Variants in CYTH3 observed in about 807,000 individuals in gnomAD.
CYTH3 encodes the protein cytohesin-3.
In CYTH3, 23 loss-of-function variants were observed where a neutral mutation model predicts 55.1. That is an observed-to-expected ratio of 0.42 (90% CI 0.30 to 0.59). The LOEUF is 0.59. Ranked by LOEUF, CYTH3 falls within the 20% of genes least tolerant of loss-of-function variation. The probability of loss-of-function intolerance (pLI) is 0.20; values close to 1 mark genes in which losing one functional copy is unlikely to be tolerated. For missense variants in CYTH3, 413 were observed against 524.8 expected (o/e 0.79, Z 2.08); for synonymous variants, 249 against 194.9 (o/e 1.28, Z -2.31).
At chr7:6,166,201 T>G (rs1417283087) in intron 9 of CYTH3, among the ~76,000 whole-genome samples, 1 of 152,208 alleles carries the variant, frequency 6.6e-6, no homozygotes, top group East Asian at 1.9e-4. Context: ...TGGGCAGCCC[T>G]GGGATCCATC....
intron 1 of CYTH3, among the ~76,000 whole-genome samples, chr7:6,208,764 C>G (rs528892948): frequency 3.3e-5 from 5 of 152,266 alleles, no homozygotes; most frequent in African/African-American, 4.8e-5. Context: ...TGGTCTGAAG[C>G]GATCCTCCCT....
At chr7:6,232,268 G>A (rs142010763) in intron 1 of CYTH3, among the ~76,000 whole-genome samples, 121 of 152,198 alleles carry the variant, frequency 8.0e-4, no homozygotes, top group Middle Eastern at 6.8e-3. Flanking sequence ...ATTCAAGGAG[G>A]CCTTAAGAGT....
chr7:6,185,418 G>T (rs763697218), intron 4 of CYTH3, among the ~76,000 whole-genome samples: 28 of 150,956 alleles, frequency 1.9e-4, no homozygotes, highest in East Asian at 1.5e-3. Context: ...AAACTGGGCC[G>T]GGTGCACTGG....
chr7:6,262,925 T>G (rs758035835), intron 1 of CYTH3, among the ~76,000 whole-genome samples: 1 of 151,674 alleles, frequency 6.6e-6, no homozygotes, highest in Non-Finnish European at 1.5e-5. Context: ...ATAAAAAAAT[T>G]GTGTTTAAGT....
At chr7:6,165,677 C>A in intron 10 of CYTH3, 57 bp downstream of exon 10, 1 of 1,613,364 alleles carries the variant, frequency 6.2e-7, no homozygotes, top group Non-Finnish European at 8.5e-7. Flanking sequence ...GGTCCCTCGG[C>A]CCCAGGGCAG....
At chr7:6,205,978 G>C (rs1359247945) in intron 1 of CYTH3, among the ~76,000 whole-genome samples, 1 of 146,924 alleles carries the variant, frequency 6.8e-6, no homozygotes, top group Non-Finnish European at 1.5e-5. Context: ...AGAAACAACT[G>C]CTTAAACCCA....
chr7:6,211,346 G>A (rs1351613460), intron 1 of CYTH3, among the ~76,000 whole-genome samples: 1 of 152,280 alleles, frequency 6.6e-6, no homozygotes, highest in Non-Finnish European at 1.5e-5. Flanking sequence ...TTTGGAAGCA[G>A]AACAGAATGA....
At chr7:6,181,086 C>A (rs1328063842) in intron 4 of CYTH3, among the ~76,000 whole-genome samples, 1 of 152,306 alleles carries the variant, frequency 6.6e-6, no homozygotes, top group East Asian at 1.9e-4. Context: ...AAAATTTTGA[C>A]AAGTATTTAA....
intron 3 of CYTH3, 132 bp from the exon 4 acceptor site, chr7:6,187,248 C>A (rs947443899): frequency 1.1e-6 from 1 of 898,348 alleles, no homozygotes; most frequent in Non-Finnish European, 1.8e-6. Context: ...CGGAGGGGCC[C>A]CCAGTCTCCG....
At chr7:6,215,221 G>A (rs749685766) in intron 1 of CYTH3, among the ~76,000 whole-genome samples, 3 of 152,170 alleles carry the variant, frequency 2.0e-5, no homozygotes, top group African/African-American at 4.8e-5. Context: ...CTGCTCTAGT[G>A]ACCCAAGAGC....
chr7:6,176,091 T>C (rs1233595010), intron 5 of CYTH3, among the ~76,000 whole-genome samples: 3 of 152,114 alleles, frequency 2.0e-5, no homozygotes, highest in Admixed American at 6.5e-5. Flanking sequence ...ATTTAGGTCT[T>C]TTCATTTTTT....
intron 1 of CYTH3, among the ~76,000 whole-genome samples, chr7:6,195,797 G>A (rs1283724165): frequency 6.6e-6 from 1 of 152,200 alleles, no homozygotes; most frequent in African/African-American, 2.4e-5. Flanking sequence ...GCCAGGGAAA[G>A]TCTAATGATT....
At chr7:6,193,901 A>G (rs1262334005) in intron 1 of CYTH3, among the ~76,000 whole-genome samples, 1 of 152,160 alleles carries the variant, frequency 6.6e-6, no homozygotes, top group Non-Finnish European at 1.5e-5. Context: ...CCCCGACTGC[A>G]GGCCACGGGC....
At chr7:6,227,482 A>T (rs1305758763) in intron 1 of CYTH3, among the ~76,000 whole-genome samples, 1 of 152,264 alleles carries the variant, frequency 6.6e-6, no homozygotes, top group East Asian at 1.9e-4. Flanking sequence ...AACTAAGAAT[A>T]GAAGATGTCT....
chr7:6,237,929 T>C (rs1559560), intron 1 of CYTH3, among the ~76,000 whole-genome samples: 151,527 of 152,334 alleles, frequency 0.99, 75,367 homozygotes, highest in Middle Eastern at 1. Flanking sequence ...GCAAGTATCA[T>C]CCTATAATGC....
intron 1 of CYTH3, 91 bp downstream of exon 1, chr7:6,272,383 C>G: frequency 8.5e-7 from 1 of 1,178,612 alleles, no homozygotes; most frequent in Non-Finnish European, 1.1e-6. Flanking sequence ...TCTCCTCCGG[C>G]GAACCCCGGC....
At chr7:6,272,412 C>T in intron 1 of CYTH3, 62 bp downstream of exon 1, 1 of 450,682 alleles carries the variant, frequency 2.2e-6, no homozygotes, top group Non-Finnish European at 3.9e-6. Context: ...GCGCCCTCGA[C>T]CCCCAGCCCC....
chr7:6,187,733 G>A lies in CYTH3; in HGVS notation c.118-12C>T. On this transcript the variant is annotated splice_polypyrimidine_tract_variant and intron_variant, in intron 2 of 12. Transcript: ENST00000350796. ...TCATATTTCAGCCTCTGTCAAAAAA[G>A]AAGAATTTCGAGGTGGGGAGTGGGT... The A allele has an allele frequency of 1.2e-6, 2 of 1,613,494 alleles. No individual in the cohort carries two copies. Among genetic ancestry groups the A allele is most frequent in the Admixed American group, 1.7e-5 (1 of 60,006 alleles).
intron 1 of CYTH3, among the ~76,000 whole-genome samples, chr7:6,265,791 G>A (rs372516141): frequency 1.8e-4 from 28 of 152,244 alleles, no homozygotes; most frequent in East Asian, 5.8e-4. Context: ...CCTGGCTGCA[G>A]TGTGAACAAG....
Sources: allele counts gnomAD v4.1 joint callset (sites outside exome capture counted in the v4.1 genomes callset), GRCh38; gene constraint gnomAD v4.1.1; transcripts MANE v1.5; gene names NCBI Gene and HGNC (gene_info 2026-07-23, HGNC 2026-07-21).